PDE1C: variants seen among roughly 807,000 people sequenced by gnomAD.
PDE1C encodes dual specificity calcium/calmodulin-dependent 3',5'-cyclic nucleotide phosphodiesterase 1C.
In PDE1C, 62 loss-of-function variants were observed where a neutral mutation model predicts 93.1. The ratio of observed to expected loss-of-function variants is 0.67; its 90% CI spans 0.54 to 0.82. The LOEUF is 0.82. PDE1C is among the 40% of genes least tolerant of loss of function. PDE1C has a pLI of 0.00. For missense variants in PDE1C, 742 were observed against 884.6 expected, an observed-to-expected ratio of 0.84 and a Z score of 2.04; for synonymous variants, 325 against 310.1, an observed-to-expected ratio of 1.05 and a Z score of -0.50.
At chr7:32,341,177 T>TTTTA (rs1562682182) in intron 1 of PDE1C, among the ~76,000 whole-genome samples, 4 of 109,428 alleles carry the variant, frequency 3.7e-5, no homozygotes, top group African/African-American at 6.5e-5. Context: ...TAAAGTCTTT[T>TTTTA]TTTTTTTTTT....
chr7:32,292,876 C>A (rs1242153304), intron 1 of PDE1C, among the ~76,000 whole-genome samples: 6 of 152,214 alleles, frequency 3.9e-5, no homozygotes, highest in Non-Finnish European at 8.8e-5. Context: ...AGTGGACACG[C>A]CAGGCACACT....
chr7:31,956,343 G>A (rs1808138285), intron 2 of PDE1C, among the ~76,000 whole-genome samples: 1 of 151,962 alleles, frequency 6.6e-6, no homozygotes, highest in Non-Finnish European at 1.5e-5. Flanking sequence ...CTGCCTGCCA[G>A]GGCCTCCCAA....
At chr7:32,118,910 T>A (rs1268091613) in intron 3 of PDE1C, among the ~76,000 whole-genome samples, 1 of 152,174 alleles carries the variant, frequency 6.6e-6, no homozygotes, top group African/African-American at 2.4e-5. Flanking sequence ...GATACTGTGG[T>A]AATATGGCCA....
In PDE1C at chr7:31,885,838, G is replaced by A. The variant is rs77934069; in HGVS notation, c.129-4978C>T. Among the ~76,000 whole-genome samples, 533 of 152,322 alleles carry A rather than the reference G, an allele frequency of 3.5e-3. 5 individuals carry two copies. The highest frequency in any genetic ancestry group is 0.012 in the African/African-American group (512 of 41,566). On this transcript the variant is annotated intron_variant, in intron 2 of 17. Coordinates refer to ENST00000396191, the MANE Select transcript of PDE1C (RefSeq NM_001191057.4). ...TATTCCCCACCCCAGTGAGGTCGCAGAAAGCCCTATAACCCTATGCCTTGA... is the reference window on the plus strand; with the variant it reads ...TATTCCCCACCCCAGTGAGGTCGCAAAAAGCCCTATAACCCTATGCCTTGA...
rs200672453 is a variant in PDE1C, at chr7:32,088,536, T to C, written c.308+81249A>G. On this transcript the variant is annotated intron_variant, in intron 3 of 18. Transcript: ENST00000396193. ...GCCCTGCAGTGGTGAGGAGGCCCCATTTGGCCGAGCTGCTGCTAAGCACGG... is the reference window on the plus strand; with the variant it reads ...GCCCTGCAGTGGTGAGGAGGCCCCACTTGGCCGAGCTGCTGCTAAGCACGG... 2.0e-5 allele frequency among the ~76,000 whole-genome samples: 3 copies of C among 152,248 alleles called. No homozygotes were observed. The East Asian group carries it at 5.8e-4, about 29-fold the overall frequency.
At chr7:31,731,493 T>C in the PDE1C span, among the ~76,000 whole-genome samples, 2 of 152,102 alleles carry the variant, frequency 1.3e-5, no homozygotes, top group Admixed American at 1.3e-4. Context: ...CCGGTTCAAA[T>C]GATTCTCCTG....
At chr7:32,023,956 G>C (rs145030943) in intron 2 of PDE1C, among the ~76,000 whole-genome samples, 23 of 152,260 alleles carry the variant, frequency 1.5e-4, no homozygotes, top group Admixed American at 3.9e-4. Context: ...TTGGTTTTGA[G>C]ATTGTACCAT....
At chr7:31,780,254 T>C (rs948079990) in intron 16 of PDE1C, among the ~76,000 whole-genome samples, 2 of 152,178 alleles carry the variant, frequency 1.3e-5, no homozygotes, top group African/African-American at 4.8e-5. Context: ...TTTCTTTCAG[T>C]TGTCGGGAGG....
intron 16 of PDE1C, among the ~76,000 whole-genome samples, chr7:31,804,544 C>A (rs932029289): frequency 6.6e-6 from 1 of 151,824 alleles, no homozygotes; most frequent in Non-Finnish European, 1.5e-5. Context: ...GTATTACACA[C>A]ACATTTCTTT....
At chr7:31,878,162 T>A (rs948897036) in intron 4 of PDE1C, 126 bp from the exon 5 acceptor site, 3 of 600,748 alleles carry the variant, frequency 5.0e-6, no homozygotes, top group Non-Finnish European at 5.7e-6. Context: ...AACCTAAAAT[T>A]CATTTTTTGA....
rs1793237780 is a variant in PDE1C, at chr7:31,850,816, C to T, written c.751-75G>A. On this transcript the variant is annotated intron_variant, in intron 7 of 17. Transcript: ENST00000396191. ...CTTCAGCTTGCTGACAACACACCCA[C>T]AGTGCTGCCTTTCTACCCTGCAGCT... is the stretch of plus-strand genomic sequence containing the variant. The T allele has an allele frequency of 3.9e-6, 4 of 1,017,494 alleles. No homozygotes were observed. The Admixed American group carries it at 6.9e-5, about 17-fold the overall frequency. The allele number at this position is 1,017,494 out of a possible 1,614,324, so 63.0% of individuals were successfully genotyped here.
intron 1 of PDE1C, among the ~76,000 whole-genome samples, chr7:32,422,154 C>T (rs921075136): frequency 1.3e-5 from 2 of 152,148 alleles, no homozygotes; most frequent in Non-Finnish European, 2.9e-5. Flanking sequence ...TATTGCCTGT[C>T]ACTAACCTAA....
intron 2 of PDE1C, among the ~76,000 whole-genome samples, chr7:32,185,033 C>T (rs186964877): frequency 1.6e-4 from 24 of 152,064 alleles, no homozygotes; most frequent in Admixed American, 1.6e-3. Flanking sequence ...AGCTCTTGAA[C>T]CCGGGAGGCA....
chr7:32,233,129 A>C (rs913411733), intron 1 of PDE1C, among the ~76,000 whole-genome samples: 6 of 152,198 alleles, frequency 3.9e-5, no homozygotes, highest in Non-Finnish European at 5.9e-5. Context: ...CTATTATGAA[A>C]ATACTCCAAA....
chr7:31,907,088 T>TGTGTGC (rs1445681145), intron 2 of PDE1C, among the ~76,000 whole-genome samples: 2 of 152,016 alleles, frequency 1.3e-5, no homozygotes, highest in East Asian at 3.9e-4. Context: ...TGTGTGTGTG[T>TGTGTGC]GTGTGTGTGT....
At chr7:32,190,299 A>T (rs1195451296) in intron 2 of PDE1C, among the ~76,000 whole-genome samples, 1 of 152,196 alleles carries the variant, frequency 6.6e-6, no homozygotes, top group Non-Finnish European at 1.5e-5. Flanking sequence ...CACAGCCTAC[A>T]AAACTGTATG....
intron 3 of PDE1C, among the ~76,000 whole-genome samples, chr7:32,108,872 G>C (rs939573253): frequency 6.6e-6 from 1 of 152,198 alleles, no homozygotes; most frequent in Non-Finnish European, 1.5e-5. Flanking sequence ...ACTCAGTACA[G>C]TATGCCAGCT....
chr7:32,186,416 A>G (rs1803887030), intron 2 of PDE1C, among the ~76,000 whole-genome samples: 1 of 151,874 alleles, frequency 6.6e-6, no homozygotes, highest in Non-Finnish European at 1.5e-5. Flanking sequence ...TTTGTTTTTT[A>G]AATCAGAGAA....
At chr7:31,927,165 TAAA>T (rs1432169881) in intron 2 of PDE1C, among the ~76,000 whole-genome samples, 2 of 151,536 alleles carry the variant, frequency 1.3e-5, no homozygotes, top group Admixed American at 1.3e-4. Context: ...AGTAGGTGGT[TAAA>T]CCCCTCACAG....
Sources: allele counts gnomAD v4.1 joint callset (sites outside exome capture counted in the v4.1 genomes callset), GRCh38; gene constraint gnomAD v4.1.1; transcripts MANE v1.5; gene names NCBI Gene and HGNC (gene_info 2026-07-23, HGNC 2026-07-21).